INTS11: variants seen among roughly 807,000 people sequenced by gnomAD.
INTS11 encodes CPSF3-like protein.
Under a neutral mutation model 78.6 loss-of-function variants are expected in INTS11, and 77 were observed. The observed-to-expected ratio is 0.98, with a 90% CI of 0.81 to 1.18. The LOEUF is 1.18. Ranked by LOEUF, INTS11 falls within the 50% of genes most tolerant of loss-of-function variation. INTS11 has a pLI of 0.00. For synonymous variants in INTS11, 441 were observed against 326.9 expected (o/e 1.35, Z -3.77); for missense variants, 875 against 825.9 (o/e 1.06, Z -0.73).
chr1:1,312,198 TGGGGGG>T, intron 15 of INTS11, 22 bp downstream of exon 15: 1 of 1,078,584 alleles, frequency 9.3e-7, no homozygotes, highest in Non-Finnish European at 1.2e-6. Context: ...CCCAAGGGAG[TGGGGGG>T]GGGGCGGGGC....
Position 1,314,233 on chromosome 1 carries a change from G to T in INTS11, c.767+68C>A. On this transcript the variant is annotated intron_variant, in intron 8 of 16. Transcript: ENST00000435064. The surrounding 1 kb of genome is among the most constrained non-coding windows in gnomAD (Gnocchi z 4.2). ...TGCCACCGCTACGCTGGACAGGGCT[G>T]CCCACCAACTGGACTGTGTTCAGGC... 7.1e-7 allele frequency: 1 copy of T among 1,412,236 alleles called. No homozygotes were observed. Among genetic ancestry groups the T allele is most frequent in the Non-Finnish European group, 9.8e-7 (1 of 1,020,504 alleles). 87.5% of individuals were successfully genotyped at this position (1,412,236 alleles called of 1,614,324 possible).
In INTS11 at chr1:1,312,851, C is replaced by T; in HGVS notation, c.1230G>A (p.Val410=). 6.2e-7 allele frequency: 1 copy of T among 1,612,148 alleles called. No homozygotes were observed. Among genetic ancestry groups the T allele is most frequent in the Non-Finnish European group, 8.5e-7 (1 of 1,179,842 alleles). The change falls in exon 12 of 17, where the codon GTG becomes GTA. Residue 410 remains valine (V), a synonymous_variant. Coordinates refer to ENST00000435064, the MANE Select transcript of INTS11 (RefSeq NM_017871.6). The part of the protein sequence containing the change: ...QLVGQAEPES[V]LLVHGEAKKM... ...TCTTGGCCTCGCCATGCACCAGCAG[C>T]ACGCTCTCCGGCTCTGCCTGGCCCA... is the stretch of plus-strand genomic sequence containing the variant.
At chr1:1,323,800 T>C (rs985174051) in intron 1 of INTS11, among the ~76,000 whole-genome samples, 1 of 135,668 alleles carries the variant, frequency 7.4e-6, no homozygotes, top group Non-Finnish European at 1.6e-5. Context: ...AAAGTGAGAG[T>C]TGATTGTAAC....
Position 1,314,928 on chromosome 1 carries a change from G to C in INTS11, c.598C>G (p.Leu200Val). Reference protein sequence around the residue: ...AWIDKCRPNLLITESTYATTI... With the variant: ...AWIDKCRPNLVITESTYATTI... ...GTGGCGTACGTGGACTCTGTGATGAGCAGGTTGGGGCGGCACTTGTCAATC... is the reference window on the plus strand; with the variant it reads ...GTGGCGTACGTGGACTCTGTGATGACCAGGTTGGGGCGGCACTTGTCAATC... Residue 200 changes from leucine (L) to valine (V), a missense_variant, in exon 7 of 17, where the codon CTC becomes GTC. Physicochemically the swap from Leu to Val is conservative, Grantham distance 32. Coordinates refer to ENST00000435064, the MANE Select transcript of INTS11 (RefSeq NM_017871.6). This position sits in a 1 kb window ranked among gnomAD's most constrained non-coding sequence, Gnocchi z 4.2. The C allele has an allele frequency of 1.2e-6, 2 of 1,613,062 alleles. No homozygotes were observed. Among genetic ancestry groups the C allele is most frequent in the African/African-American group, 1.3e-5 (1 of 75,038 alleles).
chr1:1,323,108 G>C, intron 1 of INTS11: 1 of 1,528,634 alleles, frequency 6.5e-7, no homozygotes, highest in Non-Finnish European at 8.8e-7. Context: ...GCCATGGGGT[G>C]TGCACAGGCC....
intron 4 of INTS11, 115 bp downstream of exon 4, chr1:1,319,181 G>A: frequency 1.1e-6 from 1 of 929,322 alleles, no homozygotes; most frequent in South Asian, 1.3e-5. Context: ...AGAGTGAGGT[G>A]GGGTGGGCTC....
intron 1 of INTS11, 58 bp downstream of exon 1, chr1:1,324,523 C>T: frequency 1.3e-6 from 2 of 1,535,030 alleles, no homozygotes; most frequent in South Asian, 1.2e-5. Flanking sequence ...GGGCGCCCAG[C>T]CCGCCCGGAG....
Position 1,312,563 on chromosome 1 carries a change from ACCCTGCCCTG to A in INTS11, c.1402+20_1402+29del, listed in dbSNP as rs562147098. The A allele has an allele frequency of 5.1e-6, 8 of 1,581,330 alleles. No homozygotes were observed. The highest frequency in any genetic ancestry group is 4.6e-5 in the South Asian group (4 of 87,392). ...CCGCTCCCAGCCGCCTGCCCCGAGC[ACCCTGCCCTG>A]CCCTGCCCAGCCCGCATACCCTGCG... is the stretch of plus-strand genomic sequence containing the variant. On this transcript the variant is annotated intron_variant, in intron 13 of 16. Transcript: ENST00000435064.
rs528222191 is a variant in INTS11 at position 1,314,615 on chromosome 1, C to T, written c.702+209G>A. ...GAAGGAGCCTGGCCAGGGCTTCGTC[C>T]GCACCTGAGGTAGGAGGGAAAAGGG... On this transcript the variant is annotated intron_variant, in intron 7 of 16. Coordinates refer to ENST00000435064, the MANE Select transcript of INTS11 (RefSeq NM_017871.6). The surrounding 1 kb of genome is among the most constrained non-coding windows in gnomAD (Gnocchi z 4.2). 2.5e-5 allele frequency: 17 copies of T among 680,196 alleles called. No individual in the cohort carries two copies. Among genetic ancestry groups the T allele is most frequent in the South Asian group, 6.0e-5 (3 of 50,224 alleles). The allele number at this position is 680,196 out of a possible 1,614,324, so 42.1% of individuals were successfully genotyped here.
chr1:1,313,933 C>A lies in INTS11; in HGVS notation c.768-12G>T. 1 of 1,609,498 alleles carries A rather than the reference C, an allele frequency of 6.2e-7. No individual in the cohort carries two copies. The highest frequency in any genetic ancestry group is 8.5e-7 in the Non-Finnish European group (1 of 1,177,442). ...GGTTCATGCGCTCCCTGGGGACCACCGGCCCAGTCAGCACAGTGGCCACAG... is the reference window on the plus strand; with the variant it reads ...GGTTCATGCGCTCCCTGGGGACCACAGGCCCAGTCAGCACAGTGGCCACAG... On this transcript the variant is annotated splice_polypyrimidine_tract_variant and intron_variant, in intron 8 of 16. Coordinates refer to ENST00000435064, the MANE Select transcript of INTS11 (RefSeq NM_017871.6).
chr1:1,319,787 G>A, intron 3 of INTS11: 1 of 505,924 alleles, frequency 2.0e-6, no homozygotes, highest in Non-Finnish European at 3.5e-6. Context: ...GCTGCTGAGG[G>A]AACCGCGCAT....
In INTS11 at chr1:1,312,120, G is replaced by A. The variant is rs1350599734; in HGVS notation, c.1635C>T (p.His545=). 7.6e-6 allele frequency: 12 copies of A among 1,570,834 alleles called. No homozygotes were observed. In the African/African-American group the frequency reaches 9.5e-5, roughly 12 times the overall value. ...CCACAGTCACAGAGCCGTCTGGGAG[G>A]TGCTGCACACAGTGGTCCTTCAGGA... is the stretch of plus-strand genomic sequence containing the variant. ...KSVLKDHCVQ[H]LPDGSVTVES... is the part of the protein sequence containing the mutation. Residue 545 remains histidine (H), a synonymous_variant, in exon 16 of 17, where the codon CAC becomes CAT. Transcript: ENST00000435064.
intron 1 of INTS11, 138 bp from the exon 2 acceptor site, chr1:1,321,231 G>A (rs373463685): frequency 1.6e-6 from 1 of 633,856 alleles, no homozygotes; most frequent in Non-Finnish European, 2.8e-6. Flanking sequence ...CCAAGAAGCA[G>A]GGCCACCCCT....
In INTS11 at chr1:1,311,855, G is replaced by A. The variant is rs368984021; in HGVS notation, c.*4C>T. On this transcript the variant is annotated 3_prime_UTR_variant, in exon 17 of 17. Transcript: ENST00000435064. Reference sequence around the variant, plus strand: ...AGAGGTGGCGGCTGGGTGAGTTGCCGGCCTCAGCTGGGGGCCTGGGGGAGG... The same window carrying A: ...AGAGGTGGCGGCTGGGTGAGTTGCCAGCCTCAGCTGGGGGCCTGGGGGAGG... The A allele has an allele frequency of 7.7e-5, 119 of 1,545,692 alleles. No homozygotes were observed. Among genetic ancestry groups the A allele is most frequent in the Non-Finnish European group, 8.2e-5 (94 of 1,145,792 alleles).
chr1:1,314,568 G>A lies in INTS11; in HGVS notation c.703-203C>T. 4.7e-6 allele frequency: 3 copies of A among 633,062 alleles called. No individual in the cohort carries two copies. Among genetic ancestry groups the A allele is most frequent in the South Asian group, 4.0e-5 (2 of 49,918 alleles). The allele number at this position is 633,062 out of a possible 1,614,324, so 39.2% of individuals were successfully genotyped here. ...ACAGGAGGGAGCCGCATGAGAGACA[G>A]AAGGGAGCTGCATGAGAGACAGAAG... On this transcript the variant is annotated intron_variant, in intron 7 of 16. Coordinates refer to ENST00000435064, the MANE Select transcript of INTS11 (RefSeq NM_017871.6). This position sits in a 1 kb window ranked among gnomAD's most constrained non-coding sequence, Gnocchi z 4.2.
At chr1:1,318,096 T>A (rs1213457004) in intron 4 of INTS11, among the ~76,000 whole-genome samples, 1 of 152,078 alleles carries the variant, frequency 6.6e-6, no homozygotes, top group Non-Finnish European at 1.5e-5. Context: ...GGTCTCGATC[T>A]CCTGACCTCG....
At chr1:1,320,648 C>A (rs1178417561) in intron 2 of INTS11, 119 bp from the exon 3 acceptor site, 1 of 1,002,698 alleles carries the variant, frequency 1.0e-6, no homozygotes, top group Non-Finnish European at 1.6e-6. Flanking sequence ...TCAGGCTGGG[C>A]ACTCCCATCC....
intron 6 of INTS11, 107 bp downstream of exon 6, chr1:1,315,297 G>A (rs1298707706): frequency 6.6e-6 from 9 of 1,365,268 alleles, no homozygotes; most frequent in Non-Finnish European, 9.3e-6. Context: ...CACAGGACAT[G>A]GGAGACACTG....
chr1:1,312,278 C>G lies in INTS11; in HGVS notation c.1555G>C (p.Asp519His). ...GCCGTCTCCTGCTCCTTGCGTGTGTCATGCAGGTGCACGCGGCAGGTGAAG... is the reference window on the plus strand; with the variant it reads ...GCCGTCTCCTGCTCCTTGCGTGTGTGATGCAGGTGCACGCGGCAGGTGAAG... The part of the protein sequence containing the change: ...LRFTCRVHLH[D>H]TRKEQETALR... Residue 519 changes from aspartate (D) to histidine (H), a missense_variant, in exon 15 of 17, where the codon GAC becomes CAC. Physicochemically the swap from Asp to His is moderately conservative, Grantham distance 81. Coordinates refer to ENST00000435064, the MANE Select transcript of INTS11 (RefSeq NM_017871.6). 6.5e-7 allele frequency: 1 copy of G among 1,548,866 alleles called. No homozygotes were observed. The highest frequency in any genetic ancestry group is 8.7e-7 in the Non-Finnish European group (1 of 1,146,636).
Sources: gnomAD v4.1 joint callset for allele counts (sites outside exome capture counted in the v4.1 genomes callset) on GRCh38, gnomAD v4.1.1 for gene constraint, Gnocchi (gnomAD v3.1) non-coding constraint, MANE v1.5 for transcripts, NCBI Gene and HGNC (gene_info 2026-07-23, HGNC 2026-07-21) for gene names.